The following PCDHGA4 variants were observed in gnomAD, a reference collection of about 807,000 sequenced individuals.
PCDHGA4 encodes the protein protocadherin gamma-A4.
In PCDHGA4, 38 loss-of-function variants were observed where a neutral mutation model predicts 54.6. The ratio of observed to expected loss-of-function variants is 0.70; its 90% CI spans 0.54 to 0.91. The LOEUF (loss-of-function observed/expected upper bound fraction) is 0.91, where lower values mean the gene tolerates loss of function less well. PCDHGA4 is among the 40% of genes least tolerant of loss of function. The pLI is 0.00. For synonymous variants in PCDHGA4, 511 were observed against 512.9 expected (o/e 1.00, Z 0.05); for missense variants, 1,298 against 1,220.9 (o/e 1.06, Z -0.94).
At chr5:141,461,507 T>C (rs1271911872) in intron 1 of PCDHGA4, among the ~76,000 whole-genome samples, 1 of 152,316 alleles carries the variant, frequency 6.6e-6, no homozygotes, top group East Asian at 1.9e-4. Context: ...TTCTTGGTGA[T>C]TTGTTAGTTC....
At chr5:141,414,497 A>C (rs757597548) in intron 1 of PCDHGA4, 4 of 1,613,922 alleles carry the variant, frequency 2.5e-6, no homozygotes, top group Non-Finnish European at 3.4e-6. Context: ...ACGGAAGCTC[A>C]CTTTATGCTA....
intron 3 of PCDHGA4, chr5:141,508,127 G>A (rs1220643878): frequency 6.6e-6 from 1 of 152,628 alleles, no homozygotes; most frequent in Non-Finnish European, 1.5e-5. Context: ...ACAGAGGGAG[G>A]TCAGGGAGCT....
chr5:141,442,870 T>A (rs942975420), intron 1 of PCDHGA4, among the ~76,000 whole-genome samples: 1 of 152,192 alleles, frequency 6.6e-6, no homozygotes, highest in African/African-American at 2.4e-5. Flanking sequence ...AGATGTAAAT[T>A]TACAACTCAG....
chr5:141,434,820 G>A (rs953824837), intron 1 of PCDHGA4, among the ~76,000 whole-genome samples: 1 of 151,302 alleles, frequency 6.6e-6, no homozygotes, highest in Admixed American at 6.6e-5. Flanking sequence ...ATATCCCTTA[G>A]TACACTTGGC....
chr5:141,438,072 A>C (rs761630845), intron 1 of PCDHGA4, among the ~76,000 whole-genome samples: 1 of 152,158 alleles, frequency 6.6e-6, no homozygotes, highest in Non-Finnish European at 1.5e-5. Flanking sequence ...AACCATACTT[A>C]ATGGAAAATT....
At chr5:141,404,795 G>C (rs769293241) in intron 1 of PCDHGA4, 4 of 1,614,042 alleles carry the variant, frequency 2.5e-6, no homozygotes, top group Admixed American at 1.7e-5. Flanking sequence ...CAGTGAGCCA[G>C]GGCTCTTCTC....
At chr5:141,390,164 G>C in intron 1 of PCDHGA4, 1 of 1,614,006 alleles carries the variant, frequency 6.2e-7, no homozygotes, top group Non-Finnish European at 8.5e-7. Context: ...CAGGAAAGAC[G>C]GAGTTTAATT....
At chr5:141,445,895 A>C (rs930350527) in intron 1 of PCDHGA4, among the ~76,000 whole-genome samples, 1 of 152,212 alleles carries the variant, frequency 6.6e-6, no homozygotes, top group Admixed American at 6.5e-5. Context: ...GGAGCTATTA[A>C]AATATTTTAA....
intron 1 of PCDHGA4, among the ~76,000 whole-genome samples, chr5:141,430,204 AATT>A (rs1179966513): frequency 6.6e-6 from 1 of 151,962 alleles, no homozygotes; most frequent in African/African-American, 2.4e-5. Context: ...AGAAAGTTTA[AATT>A]ATTATATTAT....
intron 1 of PCDHGA4, among the ~76,000 whole-genome samples, chr5:141,479,135 G>C (rs1236040845): frequency 6.6e-6 from 1 of 152,126 alleles, no homozygotes; most frequent in East Asian, 1.9e-4. Flanking sequence ...TGTGCACCCT[G>C]CTTACAAAAT....
intron 1 of PCDHGA4, chr5:141,398,901 C>T: frequency 9.9e-6 from 16 of 1,613,954 alleles, no homozygotes; most frequent in Non-Finnish European, 1.3e-5. Flanking sequence ...TGCCACCAGG[C>T]ACCACTGTGT....
chr5:141,419,240 G>C (rs753956971), intron 1 of PCDHGA4: 1 of 1,613,980 alleles, frequency 6.2e-7, no homozygotes, highest in South Asian at 1.1e-5. Flanking sequence ...CCTGGTCCAC[G>C]TGCCAGAAAA....
chr5:141,376,835 C>T (rs537669685), intron 1 of PCDHGA4: 5 of 249,278 alleles, frequency 2.0e-5, no homozygotes, highest in Non-Finnish European at 3.8e-5. Flanking sequence ...TACAGGCGCC[C>T]GCCACCGCGC....
At chr5:141,472,172 T>A (rs548514406) in intron 1 of PCDHGA4, among the ~76,000 whole-genome samples, 11 of 152,326 alleles carry the variant, frequency 7.2e-5, no homozygotes, top group African/African-American at 2.6e-4. Context: ...AGGTGTAATA[T>A]CCAGTATTGG....
chr5:141,418,254 A>T (rs1217236221), intron 1 of PCDHGA4: 2 of 1,613,904 alleles, frequency 1.2e-6, no homozygotes, highest in African/African-American at 2.7e-5. Flanking sequence ...CACGCCCCTC[A>T]ATTCCGGAAA....
rs574393099 is a variant in PCDHGA4 at position 141,372,200 on chromosome 5, C to T, written c.2514+14579C>T. On this transcript the variant is annotated intron_variant, in intron 1 of 3. Transcript: ENST00000571252. ...TGGACGCAGACTCGGGATACAACGC[C>T]TGGCTGTCCTACCACATTGTGCAGG... The T allele has an allele frequency of 2.0e-5, 32 of 1,613,598 alleles. No individual in the cohort carries two copies. The South Asian group carries it at 3.4e-4, about 17-fold the overall frequency.
chr5:141,374,565 A>C, intron 1 of PCDHGA4: 1 of 1,613,688 alleles, frequency 6.2e-7, no homozygotes, highest in Non-Finnish European at 8.5e-7. Context: ...TATGACCCTG[A>C]TGTGGGAATG....
At position 141,485,331 on chromosome 5, in the gene PCDHGA4, T is replaced by G; in HGVS notation, c.2515-9476T>G. 6.2e-7 allele frequency: 1 copy of G among 1,614,166 alleles called. No individual in the cohort carries two copies. Among genetic ancestry groups the G allele is most frequent in the Admixed American group, 1.7e-5 (1 of 60,022 alleles). Reference sequence around the variant, plus strand: ...GTAGGGAATGTCGCTCAAGATTTCCTGCTGGATACGGACAGTCTGTCAGCT... The same window carrying G: ...GTAGGGAATGTCGCTCAAGATTTCCGGCTGGATACGGACAGTCTGTCAGCT... On this transcript the variant is annotated intron_variant, in intron 1 of 3. Coordinates refer to ENST00000571252, the MANE Select transcript of PCDHGA4 (RefSeq NM_018917.4). The surrounding 1 kb of genome is among the most constrained non-coding windows in gnomAD (Gnocchi z 5.7).
chr5:141,370,642 A>G (rs944377529), intron 1 of PCDHGA4: 1 of 1,613,836 alleles, frequency 6.2e-7, no homozygotes, highest in Non-Finnish European at 8.5e-7. Context: ...GAAAATGGGA[A>G]CTTACTTGTG....
Sources: gnomAD v4.1 joint callset for allele counts (sites outside exome capture counted in the v4.1 genomes callset) on GRCh38, gnomAD v4.1.1 for gene constraint, Gnocchi (gnomAD v3.1) non-coding constraint, MANE v1.5 for transcripts, NCBI Gene and HGNC (gene_info 2026-07-23, HGNC 2026-07-21) for gene names.